The following BMAL1 variants were observed in gnomAD, a reference collection of about 807,000 sequenced individuals.
BMAL1 encodes basic helix-loop-helix ARNT like 1.
the BMAL1 span, among the ~76,000 whole-genome samples, chr11:13,349,417 C>T: frequency 1.3e-5 from 2 of 152,222 alleles, no homozygotes; most frequent in Non-Finnish European, 2.9e-5. Flanking sequence ...CCACCACTCT[C>T]TTGCTGTGTG....
chr11:13,315,282 C>T, the BMAL1 span, among the ~76,000 whole-genome samples: 1 of 152,178 alleles, frequency 6.6e-6, no homozygotes, highest in African/African-American at 2.4e-5. Flanking sequence ...TAGCTCATGC[C>T]TGTTCACCCT....
chr11:13,302,220 G>C, the BMAL1 span, among the ~76,000 whole-genome samples: 1 of 152,110 alleles, frequency 6.6e-6, no homozygotes, highest in Non-Finnish European at 1.5e-5. Context: ...CAGGAGGTGA[G>C]ACCTGAGGAA....
chr11:13,385,708 C>T, the BMAL1 span: 2 of 1,613,196 alleles, frequency 1.2e-6, no homozygotes, highest in South Asian at 1.1e-5. Flanking sequence ...GGAGGGACTC[C>T]AGACATTCCT....
At chr11:13,355,133 C>A in the BMAL1 span, 1 of 1,162,184 alleles carries the variant, frequency 8.6e-7, no homozygotes, top group Admixed American at 2.2e-5. Context: ...TGGAATCTTA[C>A]CCAAATGTCC....
the BMAL1 span, chr11:13,353,245 C>T: frequency 6.5e-6 from 1 of 154,498 alleles, no homozygotes; most frequent in Admixed American, 6.5e-5. Flanking sequence ...TCTGTCACCC[C>T]ATTGGTCGCC....
the BMAL1 span, among the ~76,000 whole-genome samples, chr11:13,297,007 C>T: frequency 4.6e-5 from 7 of 152,240 alleles, no homozygotes. Context: ...GTGGAGTGTG[C>T]TTGCTGCAGT....
chr11:13,326,651 AT>A, the BMAL1 span, among the ~76,000 whole-genome samples: 1 of 152,100 alleles, frequency 6.6e-6, no homozygotes, highest in African/African-American at 2.4e-5. Flanking sequence ...ATGCTACTTA[AT>A]TTTTTTAACC....
the BMAL1 span, among the ~76,000 whole-genome samples, chr11:13,282,435 CG>C: frequency 1.3e-5 from 2 of 152,162 alleles, no homozygotes; most frequent in African/African-American, 2.4e-5. Flanking sequence ...GTTGCCTTGC[CG>C]GGGTGCCTTG....
chr11:13,327,922 C>T, the BMAL1 span, among the ~76,000 whole-genome samples: 1 of 19,244 alleles, frequency 5.2e-5, no homozygotes, highest in African/African-American at 1.6e-4. Context: ...GCTCTTTTGT[C>T]ATTGTGCTAC....
At chr11:13,332,613 T>C in the BMAL1 span, among the ~76,000 whole-genome samples, 1 of 152,366 alleles carries the variant, frequency 6.6e-6, no homozygotes, top group East Asian at 1.9e-4. Flanking sequence ...CACTATTTCA[T>C]GATGGAGGCT....
the BMAL1 span, chr11:13,369,917 G>A: frequency 1.0e-6 from 1 of 960,158 alleles, no homozygotes; most frequent in East Asian, 2.7e-5. Context: ...TCCTCCCTAT[G>A]TGTAGGGCAG....
At chr11:13,318,624 C>T in the BMAL1 span, among the ~76,000 whole-genome samples, 1 of 122,018 alleles carries the variant, frequency 8.2e-6, no homozygotes, top group Non-Finnish European at 1.6e-5. Context: ...TTGAAATAGG[C>T]AAGGGTTTTG....
the BMAL1 span, among the ~76,000 whole-genome samples, chr11:13,368,623 C>T: frequency 1.1e-4 from 16 of 152,208 alleles, no homozygotes; most frequent in Non-Finnish European, 1.9e-4. Context: ...CACACTTGCT[C>T]GTGTGATGGC....
At chr11:13,362,241 CT>C in the BMAL1 span, among the ~76,000 whole-genome samples, 13 of 152,330 alleles carry the variant, frequency 8.5e-5, no homozygotes, top group Non-Finnish European at 1.3e-4. Flanking sequence ...AAAAAGCCAT[CT>C]GATTAGTACT....
the BMAL1 span, among the ~76,000 whole-genome samples, chr11:13,286,683 T>C: frequency 6.6e-6 from 1 of 152,236 alleles, no homozygotes; most frequent in African/African-American, 2.4e-5. Context: ...AACCTTGATT[T>C]TGATCTGCTA....
chr11:13,382,776 C>G, the BMAL1 span, among the ~76,000 whole-genome samples: 1 of 152,150 alleles, frequency 6.6e-6, no homozygotes, highest in Admixed American at 6.5e-5. Flanking sequence ...CTCACCTTCA[C>G]AACATTATAG....
At chr11:13,279,497 A>G in the BMAL1 span, among the ~76,000 whole-genome samples, 4 of 152,166 alleles carry the variant, frequency 2.6e-5, no homozygotes, top group African/African-American at 9.7e-5. Flanking sequence ...TAATTAATGT[A>G]CCCGTTGAAT....
At chr11:13,377,458 G>A in the BMAL1 span, among the ~76,000 whole-genome samples, 2 of 151,990 alleles carry the variant, frequency 1.3e-5, no homozygotes, top group Non-Finnish European at 2.9e-5. Context: ...CTTAAACTTC[G>A]TCACCACTAT....
At chr11:13,353,408 C>T in the BMAL1 span, 1 of 152,250 alleles carries the variant, frequency 6.6e-6, no homozygotes, top group African/African-American at 2.4e-5. Context: ...TGAGTAGCTG[C>T]AATCTTCTGC....
Sources: allele counts gnomAD v4.1 joint callset (sites outside exome capture counted in the v4.1 genomes callset), GRCh38; gene constraint gnomAD v4.1.1; transcripts MANE v1.5; gene names NCBI Gene and HGNC (gene_info 2026-07-23, HGNC 2026-07-21).